Variants in KDM4C observed in about 807,000 individuals in gnomAD.
The protein encoded by KDM4C is lysine-specific demethylase 4C.
In KDM4C, 81 loss-of-function variants were observed where a neutral mutation model predicts 129.3. That is an observed-to-expected ratio of 0.63 (90% CI 0.52 to 0.75). The LOEUF (loss-of-function observed/expected upper bound fraction) is 0.75. KDM4C is among the 30% of genes least tolerant of loss of function. KDM4C has a pLI of 0.00. For synonymous variants in KDM4C, 573 were observed against 456.1 expected (o/e 1.26, Z -3.26); for missense variants, 1,457 against 1,304.0 (o/e 1.12, Z -1.81).
chr9:6,817,195 G>GCCCCCCCC (rs35527694), intron 4 of KDM4C, among the ~76,000 whole-genome samples: 46 of 53,258 alleles, frequency 8.6e-4, no homozygotes, highest in South Asian at 2.6e-3. Flanking sequence ...CCCTCCCCCT[G>GCCCCCCCC]CCCCCCCCCC....
intron 4 of KDM4C, among the ~76,000 whole-genome samples, chr9:6,816,169 C>G (rs917366077): frequency 3.3e-5 from 5 of 152,218 alleles, no homozygotes; most frequent in African/African-American, 1.2e-4. Context: ...GCCTTTCATT[C>G]AGTGGATTTG....
At position 6,984,353 on chromosome 9, in the gene KDM4C, G is replaced by A. The variant is rs1241990695; in HGVS notation, c.1303G>A (p.Ala435Thr). 2 of 1,613,848 alleles carry A rather than the reference G, an allele frequency of 1.2e-6. No homozygotes were observed. Among genetic ancestry groups the A allele is most frequent in the Non-Finnish European group, 1.7e-6 (2 of 1,179,880 alleles). The stretch of plus-strand genomic sequence containing the variant: ...AGCATCTTCAGAAGAAGAGTCATCT[G>A]CTAGCAGGATGCAGGTGGAGCAGAA... ...TEASSEEESSASRMQVEQNLS... is the reference protein window; with the variant it reads ...TEASSEEESSTSRMQVEQNLS... Residue 435 changes from alanine to threonine, a missense_variant, in exon 10 of 22, where the codon GCT (alanine) becomes ACT (threonine). Ala to Thr is a moderately conservative substitution (Grantham distance 58). Coordinates refer to ENST00000381309, the MANE Select transcript of KDM4C (RefSeq NM_015061.6).
intron 5 of KDM4C, among the ~76,000 whole-genome samples, chr9:6,856,124 AT>A (rs1839767556): frequency 6.6e-6 from 1 of 151,940 alleles, no homozygotes; most frequent in African/African-American, 2.4e-5. Context: ...CTCAGTAAAC[AT>A]TTGCTCAGTG....
At chr9:6,851,370 A>G (rs1433519651) in intron 5 of KDM4C, among the ~76,000 whole-genome samples, 2 of 152,178 alleles carry the variant, frequency 1.3e-5, no homozygotes, top group Non-Finnish European at 2.9e-5. Flanking sequence ...AGTTTGTTGG[A>G]ATGTCATCTT....
intron 5 of KDM4C, among the ~76,000 whole-genome samples, chr9:6,873,484 C>T (rs1237832127): frequency 1.3e-5 from 2 of 152,198 alleles, no homozygotes; most frequent in East Asian, 1.9e-4. Context: ...AATACATCAG[C>T]AGCACTTGCT....
intron 8 of KDM4C, among the ~76,000 whole-genome samples, chr9:6,962,871 C>G (rs1236064699): frequency 3.9e-5 from 6 of 152,142 alleles, no homozygotes; most frequent in African/African-American, 1.2e-4. Context: ...CTAATGTTTT[C>G]TGTAATTCAT....
intron 1 of KDM4C, among the ~76,000 whole-genome samples, chr9:6,767,755 G>T (rs1820931337): frequency 6.6e-6 from 1 of 152,128 alleles, no homozygotes; most frequent in Non-Finnish European, 1.5e-5. Context: ...TTCTGTGCTT[G>T]GCCATCTGGC....
intron 8 of KDM4C, among the ~76,000 whole-genome samples, chr9:6,934,506 C>G (rs1171731728): frequency 7.8e-6 from 1 of 128,494 alleles, no homozygotes; most frequent in Non-Finnish European, 1.8e-5. Context: ...ATAATTTTAT[C>G]TAAAATTAAA....
At chr9:6,734,138 A>G (rs535371703) in intron 1 of KDM4C, among the ~76,000 whole-genome samples, 1 of 152,214 alleles carries the variant, frequency 6.6e-6, no homozygotes, top group South Asian at 2.1e-4. Context: ...GTCTGGTTCA[A>G]ATGCCTCTGA....
chr9:6,834,934 C>T (rs1159336318), intron 4 of KDM4C: 1 of 1,112,526 alleles, frequency 9.0e-7, no homozygotes, highest in African/African-American at 1.5e-5. Context: ...ACGGGGTCAC[C>T]CACAGTGTGC....
intron 8 of KDM4C, among the ~76,000 whole-genome samples, chr9:6,921,920 C>T (rs990539381): frequency 6.6e-6 from 1 of 152,144 alleles, no homozygotes; most frequent in Admixed American, 6.5e-5. Flanking sequence ...CCTCCCCAAT[C>T]TGCATGGCTC....
rs142788312 is a variant in KDM4C, at chr9:6,768,814, C to T, written c.-18+10611C>T. ...TAAAGAGGGAGTTTCACTCTGTTGC[C>T]CAGGCTGGAGTGCAGTGATGCAATC... is the stretch of plus-strand genomic sequence containing the variant. On this transcript the variant is annotated intron_variant, in intron 1 of 21. Transcript: ENST00000381309. Among the ~76,000 whole-genome samples the T allele has an allele frequency of 8.0e-4, 121 of 151,788 alleles. 1 individual carries two copies. The East Asian group carries it at 0.016, about 20-fold the overall frequency.
At chr9:6,892,186 T>TA (rs1255646037) in intron 7 of KDM4C, among the ~76,000 whole-genome samples, 2 of 152,182 alleles carry the variant, frequency 1.3e-5, no homozygotes, top group Non-Finnish European at 2.9e-5. Context: ...TTTAAAGATA[T>TA]AAGGGGTCTA....
At position 6,740,455 on chromosome 9, in the gene KDM4C, G is replaced by A. The variant is rs935504712; in HGVS notation, c.49+19458G>A. Among the ~76,000 whole-genome samples, 12 of 151,296 alleles carry A rather than the reference G, an allele frequency of 7.9e-5. No homozygotes were observed. The South Asian group carries it at 1.7e-3, about 21-fold the overall frequency. ...CCTGACCTTGTGATCCGCCCACCTC[G>A]GCCTCCCAAAGTGCTGGGATTACAG... On this transcript the variant is annotated intron_variant, in intron 1 of 17. Coordinates refer to the KDM4C transcript ENST00000536108.
intron 4 of KDM4C, among the ~76,000 whole-genome samples, chr9:6,840,744 C>T (rs1461858030): frequency 3.3e-5 from 5 of 152,196 alleles, no homozygotes; most frequent in South Asian, 2.1e-4. Context: ...ACTGACTGGG[C>T]ACCTTCCTTT....
Position 6,880,017 on chromosome 9 carries a change from C to A in KDM4C, c.635C>A (p.Ala212Asp). The change falls in exon 6 of 22, where the codon GCT becomes GAT. Residue 212 changes from alanine (A) to aspartate (D), a missense_variant. Transcript: ENST00000381309. Reference sequence around the variant, plus strand: ...ACTTATGTTTAAAATTTTAGGTATGCTATACCTCCGGAGCATGGAAAACGA... The same window carrying A: ...ACTTATGTTTAAAATTTTAGGTATGATATACCTCCGGAGCATGGAAAACGA... Reference protein sequence around the residue: ...LHFGEPKSWYAIPPEHGKRLE... With the variant: ...LHFGEPKSWYDIPPEHGKRLE... The A allele has an allele frequency of 6.3e-7, 1 of 1,576,882 alleles. No homozygotes were observed. The highest frequency in any genetic ancestry group is 8.6e-7 in the Non-Finnish European group (1 of 1,156,124).
chr9:6,721,271 C>CTTTTTT (rs1300448717), intron 1 of KDM4C: 5 of 75,184 alleles, frequency 6.7e-5, no homozygotes, highest in African/African-American at 2.3e-4. Flanking sequence ...TTTAAATTAA[C>CTTTTTT]TTTTTTTTTT....
upstream of KDM4C, among the ~76,000 whole-genome samples, chr9:6,754,784 G>T (rs1336618507): frequency 1.3e-5 from 2 of 150,070 alleles, no homozygotes; most frequent in Non-Finnish European, 3.0e-5. Flanking sequence ...GCTGAGGTGG[G>T]AGGACTGCAT....
Position 6,919,462 on chromosome 9 carries a change from TTTTC to T in KDM4C, c.921+26234_921+26237del, listed in dbSNP as rs1207736846. On this transcript the variant is annotated intron_variant, in intron 8 of 21. Transcript: ENST00000381309. ...CTCTTTCCATCTTACCTGCTATCCC[TTTTC>T]TTTGTTTTTCTATTTAACAATACTT... Among the ~76,000 whole-genome samples the T allele has an allele frequency of 9.2e-5, 14 of 151,718 alleles. No individual in the cohort carries two copies. The East Asian group carries it at 1.4e-3, about 15-fold the overall frequency.
Sources: gnomAD v4.1 joint callset for allele counts (sites outside exome capture counted in the v4.1 genomes callset) on GRCh38, gnomAD v4.1.1 for gene constraint, MANE v1.5 for transcripts, NCBI Gene and HGNC (gene_info 2026-07-23, HGNC 2026-07-21) for gene names.